ZNF148: variants seen among roughly 807,000 people sequenced by gnomAD.
The protein encoded by ZNF148 is Beta-Enolase Repressor Factor-1.
A neutral mutation model predicts 67.7 loss-of-function variants in ZNF148; 7 were observed. The observed-to-expected ratio is 0.10, with a 90% confidence interval of 0.06 to 0.19. ZNF148 has a LOEUF of 0.19. ZNF148 is among the 10% of genes least tolerant of loss of function. The pLI, the probability that ZNF148 is intolerant of heterozygous loss-of-function variation, is 1.00. For missense variants in ZNF148, 583 were observed against 947.1 expected (o/e 0.62, Z 5.05); for synonymous variants, 333 against 330.7 (o/e 1.01, Z -0.08).
intron 7 of ZNF148, among the ~76,000 whole-genome samples, chr3:125,257,481 G>A (rs1192886412): frequency 6.6e-6 from 1 of 151,024 alleles, no homozygotes; most frequent in Non-Finnish European, 1.5e-5. Context: ...TTGAACTCGG[G>A]CTGCGGAGGT....
intron 3 of ZNF148, among the ~76,000 whole-genome samples, chr3:125,320,608 C>T (rs780912840): frequency 3.3e-5 from 5 of 152,174 alleles, no homozygotes; most frequent in Non-Finnish European, 5.9e-5. Flanking sequence ...TGAACCTAAT[C>T]ATCATCGTCT....
At chr3:125,339,293 T>A (rs1278871801) in intron 1 of ZNF148, among the ~76,000 whole-genome samples, 2 of 152,234 alleles carry the variant, frequency 1.3e-5, no homozygotes, top group East Asian at 3.8e-4. Flanking sequence ...CCTTTTCCAA[T>A]CTATTAATTA....
chr3:125,227,665 C>G lies in ZNF148; in HGVS notation c.*4676G>C, dbSNP rs766181568. The G allele has an allele frequency of 1.3e-5, 2 of 152,428 alleles. No homozygotes were observed. Among genetic ancestry groups the G allele is most frequent in the Non-Finnish European group, 2.9e-5 (2 of 67,976 alleles). 9.4% of individuals were successfully genotyped at this position (152,428 alleles called of 1,614,324 possible). ...GATAAAATCCAGTATAATTCAAATCCAACAATGAAAAATTTCCCCCATATT... is the reference window on the plus strand; with the variant it reads ...GATAAAATCCAGTATAATTCAAATCGAACAATGAAAAATTTCCCCCATATT... On this transcript the variant is annotated 3_prime_UTR_variant, in exon 9 of 9. Transcript: ENST00000360647.
chr3:125,305,075 C>A (rs1392373294), intron 4 of ZNF148, among the ~76,000 whole-genome samples: 3 of 152,086 alleles, frequency 2.0e-5, no homozygotes, highest in African/African-American at 7.2e-5. Context: ...TTTTTAAAAA[C>A]CCTAATTCCA....
At chr3:125,304,690 A>C (rs1939779276) in intron 4 of ZNF148, among the ~76,000 whole-genome samples, 1 of 152,176 alleles carries the variant, frequency 6.6e-6, no homozygotes, top group Non-Finnish European at 1.5e-5. Context: ...TATAGAAAGG[A>C]ATATGTGCAC....
intron 1 of ZNF148, among the ~76,000 whole-genome samples, chr3:125,350,080 C>A (rs1335900474): frequency 6.6e-6 from 1 of 152,068 alleles, no homozygotes; most frequent in Non-Finnish European, 1.5e-5. Flanking sequence ...AGGTTCCTCA[C>A]AAAACTAAAA....
Position 125,232,386 on chromosome 3 carries a change from C to G in ZNF148, c.2340G>C (p.Gly780=), listed in dbSNP as rs777286533. Residue 780 remains glycine, a synonymous_variant, in exon 9 of 9, where the codon GGG becomes GGC. Transcript: ENST00000360647. The surrounding 1 kb of genome is among the most constrained non-coding windows in gnomAD (Gnocchi z 4.2). ...TTGTGGCATCAGGTGAAGATGTCATCCCAGCTCTATTATCATTTACATTCA... is the reference window on the plus strand; with the variant it reads ...TTGTGGCATCAGGTGAAGATGTCATGCCAGCTCTATTATCATTTACATTCA... The part of the protein sequence containing the change: ...PLVNVNDNRA[G]MTSSPDATTG... 1.1e-5 allele frequency: 18 copies of G among 1,611,572 alleles called. No individual in the cohort carries two copies. In the East Asian group the frequency reaches 3.8e-4, roughly 34 times the overall value.
At chr3:125,307,106 G>A (rs75736534) in intron 4 of ZNF148, among the ~76,000 whole-genome samples, 46 of 149,608 alleles carry the variant, frequency 3.1e-4, no homozygotes, top group Non-Finnish European at 5.5e-4. Flanking sequence ...ACATACAAAT[G>A]TTTAAATTAG....
intron 1 of ZNF148, among the ~76,000 whole-genome samples, chr3:125,331,915 G>A (rs1941306299): frequency 6.6e-6 from 1 of 152,124 alleles, no homozygotes; most frequent in Non-Finnish European, 1.5e-5. Flanking sequence ...TGAAAGTAAT[G>A]AAGACTGAAA....
intron 7 of ZNF148, among the ~76,000 whole-genome samples, chr3:125,261,814 G>A (rs1937353144): frequency 7.1e-6 from 1 of 141,534 alleles, no homozygotes. Flanking sequence ...TAACCTGACA[G>A]GGGTTGACAA....
chr3:125,312,765 TAGA>T (rs1470362456), intron 4 of ZNF148, among the ~76,000 whole-genome samples: 1 of 152,100 alleles, frequency 6.6e-6, no homozygotes, highest in Non-Finnish European at 1.5e-5. Flanking sequence ...AAAATAAAGG[TAGA>T]AGAAGGAAAA....
At chr3:125,280,382 A>G (rs1938312642) in intron 5 of ZNF148, among the ~76,000 whole-genome samples, 1 of 152,096 alleles carries the variant, frequency 6.6e-6, no homozygotes, top group African/African-American at 2.4e-5. Flanking sequence ...TTCAATGTGC[A>G]ACATTAAGCT....
At chr3:125,255,449 G>A (rs576369938) in intron 7 of ZNF148, among the ~76,000 whole-genome samples, 1 of 151,798 alleles carries the variant, frequency 6.6e-6, no homozygotes, top group African/African-American at 2.4e-5. Context: ...GTTTCCCCAT[G>A]TTGGCCAGGC....
rs570487316 is a variant in ZNF148 at position 125,268,485 on chromosome 3, G to C, written c.667+9241C>G. ...GAAAAGACCCCTAATAAATGGTGCA[G>C]TGGAAACTAGCTAACCATATCCAAA... On this transcript the variant is annotated intron_variant, in intron 7 of 8. Coordinates refer to ENST00000360647, the MANE Select transcript of ZNF148 (RefSeq NM_021964.3). Among the ~76,000 whole-genome samples, 3 of 152,280 alleles carry C rather than the reference G, an allele frequency of 2.0e-5. No individual in the cohort carries two copies. In the South Asian group the frequency reaches 6.2e-4, roughly 32 times the overall value.
At chr3:125,339,792 T>C (rs1941639112) in intron 1 of ZNF148, among the ~76,000 whole-genome samples, 1 of 152,192 alleles carries the variant, frequency 6.6e-6, no homozygotes, top group Non-Finnish European at 1.5e-5. Context: ...ACTATGTACC[T>C]ACAAAAATTA....
intron 3 of ZNF148, chr3:125,314,889 C>G (rs1466069044): frequency 6.6e-6 from 1 of 152,182 alleles, no homozygotes; most frequent in East Asian, 1.9e-4. Context: ...AAAACCCCAT[C>G]TCTACAAAAT....
intron 2 of ZNF148, among the ~76,000 whole-genome samples, chr3:125,324,493 C>T (rs6780042): frequency 0.78 from 118,158 of 152,152 alleles, 46,483 homozygotes; most frequent in African/African-American, 0.87. Flanking sequence ...AAACAGAGTA[C>T]AGGCTATACA....
intron 3 of ZNF148, among the ~76,000 whole-genome samples, chr3:125,320,109 G>C (rs1940703840): frequency 6.6e-6 from 1 of 152,138 alleles, no homozygotes; most frequent in Admixed American, 6.5e-5. Flanking sequence ...ATATCTCAGT[G>C]AATTTCTCCT....
intron 7 of ZNF148, among the ~76,000 whole-genome samples, chr3:125,250,882 T>G (rs981416654): frequency 3.3e-5 from 5 of 152,202 alleles, no homozygotes; most frequent in Admixed American, 2.0e-4. Context: ...CTGCTTTCTA[T>G]TCCTATAGTT....
Sources: allele counts gnomAD v4.1 joint callset (sites outside exome capture counted in the v4.1 genomes callset), GRCh38; gene constraint gnomAD v4.1.1; non-coding constraint Gnocchi (gnomAD v3.1); transcripts MANE v1.5; gene names NCBI Gene and HGNC (gene_info 2026-07-23, HGNC 2026-07-21).